Variants in AGPAT5 observed in about 807,000 individuals in gnomAD.
The protein encoded by AGPAT5 is 1-acylglycerol-3-phosphate O-acyltransferase 5.
A neutral mutation model predicts 45.6 loss-of-function variants in AGPAT5; 46 were observed. The ratio of observed to expected loss-of-function variants is 1.01; its 90% CI spans 0.80 to 1.29. AGPAT5 has a LOEUF of 1.29. Ranked by LOEUF, AGPAT5 falls within the 50% of genes most tolerant of loss-of-function variation. The probability of loss-of-function intolerance (pLI) is 0.00; values close to 1 mark genes in which losing one functional copy is unlikely to be tolerated. For synonymous variants in AGPAT5, 272 were observed against 167.0 expected (o/e 1.63, Z -4.85); for missense variants, 673 against 450.7 (o/e 1.49, Z -4.47).
chr8:6,747,216 A>T (rs1162448163), intron 5 of AGPAT5, among the ~76,000 whole-genome samples: 1 of 152,254 alleles, frequency 6.6e-6, no homozygotes. Context: ...TGAAGCACTG[A>T]GTCCTGCAGC....
At chr8:6,754,552 C>T (rs1352247580) in intron 6 of AGPAT5, among the ~76,000 whole-genome samples, 1 of 152,110 alleles carries the variant, frequency 6.6e-6, no homozygotes, top group Non-Finnish European at 1.5e-5. Context: ...CAGCTGTGTG[C>T]CAGGTCAGGA....
At chr8:6,720,196 G>A (rs1800455739) in intron 1 of AGPAT5, among the ~76,000 whole-genome samples, 1 of 152,144 alleles carries the variant, frequency 6.6e-6, no homozygotes, top group African/African-American at 2.4e-5. Flanking sequence ...GTGGGAGTCA[G>A]TGATCCAGCT....
At chr8:6,742,886 T>C (rs896760371) in intron 5 of AGPAT5, among the ~76,000 whole-genome samples, 1 of 152,236 alleles carries the variant, frequency 6.6e-6, no homozygotes, top group African/African-American at 2.4e-5. Flanking sequence ...TTGACTTTCA[T>C]TGCTTCCTCT....
rs1444290489 is a variant in AGPAT5, at chr8:6,724,926, T to C, written c.276T>C (p.Asn92=). The part of the protein sequence containing the change: ...KNKENIIYLA[N]HQSTVDWIVA... ...AAGAAAATATAATATATTTAGCAAATCATCAAAGCACAGGTTTGTATTTCA... is the reference window on the plus strand; with the variant it reads ...AAGAAAATATAATATATTTAGCAAACCATCAAAGCACAGGTTTGTATTTCA... The change falls in exon 2 of 8, where the codon AAT becomes AAC. Residue 92 remains asparagine, a synonymous_variant. Transcript: ENST00000285518. 3 of 1,166,928 alleles carry C rather than the reference T, an allele frequency of 2.6e-6. No individual in the cohort carries two copies. Among genetic ancestry groups the C allele is most frequent in the Non-Finnish European group, 3.4e-6 (3 of 884,270 alleles). 72.3% of individuals were successfully genotyped at this position (1,166,928 alleles called of 1,614,324 possible).
At position 6,726,072 on chromosome 8, in the gene AGPAT5, C is replaced by G. The variant is rs191638393; in HGVS notation, c.289+1133C>G. ...ATCTTGATGTATCTGAGTATTTTCC[C>G]CAACTTTATTACATGACTGGTTCAG... On this transcript the variant is annotated intron_variant, in intron 2 of 7. Transcript: ENST00000285518. Among the ~76,000 whole-genome samples the G allele has an allele frequency of 4.5e-3, 682 of 152,298 alleles. 7 individuals are homozygous for G. The highest frequency in any genetic ancestry group is 5.0e-3 in the Non-Finnish European group (340 of 68,024).
chr8:6,757,753 C>A lies in AGPAT5; in HGVS notation c.*365C>A. Reference sequence around the variant, plus strand: ...CGTATTTCACTTTTTCTGTTATTTTCAATTTATTACAACTTGACAGCTCCA... The same window carrying A: ...CGTATTTCACTTTTTCTGTTATTTTAAATTTATTACAACTTGACAGCTCCA... On this transcript the variant is annotated 3_prime_UTR_variant, in exon 8 of 8. Transcript: ENST00000285518. 1 of 168,364 alleles carries A rather than the reference C, an allele frequency of 5.9e-6. No individual in the cohort carries two copies. The highest frequency in any genetic ancestry group is 1.3e-5 in the Non-Finnish European group (1 of 78,148). The allele number at this position is 168,364 out of a possible 1,614,324, so 10.4% of individuals were successfully genotyped here.
chr8:6,740,654 A>G (rs1801218560), intron 4 of AGPAT5, among the ~76,000 whole-genome samples: 1 of 152,038 alleles, frequency 6.6e-6, no homozygotes, highest in Non-Finnish European at 1.5e-5. Flanking sequence ...TTTAGATACC[A>G]TTATACCAGT....
chr8:6,738,214 A>G (rs1028874705), intron 4 of AGPAT5, among the ~76,000 whole-genome samples: 5 of 152,120 alleles, frequency 3.3e-5, no homozygotes, highest in Non-Finnish European at 7.4e-5. Context: ...ATTTCTAGCT[A>G]TTGATGTAAA....
chr8:6,730,073 G>A (rs1483304465), intron 2 of AGPAT5, among the ~76,000 whole-genome samples: 3 of 151,680 alleles, frequency 2.0e-5, no homozygotes, highest in Non-Finnish European at 2.9e-5. Context: ...GCCATTTTTT[G>A]TTTATAATTT....
At position 6,741,655 on chromosome 8, in the gene AGPAT5, C is replaced by T. The variant is rs766450889; in HGVS notation, c.496-6C>T. The T allele has an allele frequency of 1.9e-6, 3 of 1,588,778 alleles. No individual in the cohort carries two copies. The highest frequency in any genetic ancestry group is 4.5e-5 in the East Asian group (2 of 44,006). ...AAATAAACCAAATTTGCTCTATGTC[C>T]CACAGATGTATCTTGTGATTTTTCC... is the stretch of plus-strand genomic sequence containing the variant. On this transcript the variant is annotated splice_region_variant and splice_polypyrimidine_tract_variant and intron_variant, in intron 4 of 7. Coordinates refer to ENST00000285518, the MANE Select transcript of AGPAT5 (RefSeq NM_018361.5).
rs747834168 is a variant in AGPAT5, at chr8:6,730,846, TTC to T, written c.405+26_405+27del. 1 of 1,558,250 alleles carries T rather than the reference TTC, an allele frequency of 6.4e-7. No individual in the cohort carries two copies. The highest frequency in any genetic ancestry group is 1.4e-5 in the African/African-American group (1 of 73,496). On this transcript the variant is annotated intron_variant, in intron 3 of 7. Coordinates refer to ENST00000285518, the MANE Select transcript of AGPAT5 (RefSeq NM_018361.5). ...GCTCAGGTAACTTGTTTCCATGCTTTTCTCTCTATATATGTAGTTTATAAATT... is the reference window on the plus strand; with the variant it reads ...GCTCAGGTAACTTGTTTCCATGCTTTTCTCTATATATGTAGTTTATAAATT...
Position 6,750,141 on chromosome 8 carries a change from A to C in AGPAT5, c.745+2313A>C, listed in dbSNP as rs375183860. Among the ~76,000 whole-genome samples, 9 of 152,304 alleles carry C rather than the reference A, an allele frequency of 5.9e-5. No individual in the cohort carries two copies. In the East Asian group the frequency reaches 1.5e-3, roughly 26 times the overall value. On this transcript the variant is annotated intron_variant, in intron 6 of 7. Transcript: ENST00000285518. ...TGACAGGCGGCACCTTTCCCAGCAT[A>C]GCACTGTGCCTTCTCCTGCCCCTGC...
intron 1 of AGPAT5, among the ~76,000 whole-genome samples, chr8:6,716,548 A>T (rs1163941927): frequency 6.6e-6 from 1 of 151,998 alleles, no homozygotes; most frequent in East Asian, 1.9e-4. Flanking sequence ...AAAAAAAGGT[A>T]AAAGGGCCAG....
In AGPAT5 at chr8:6,731,615, A is replaced by G. The variant is rs528511929; in HGVS notation, c.405+789A>G. Among the ~76,000 whole-genome samples, 5 of 152,252 alleles carry G rather than the reference A, an allele frequency of 3.3e-5. No homozygotes were observed. In the East Asian group the frequency reaches 5.8e-4, roughly 18 times the overall value. ...GTGGAACTCATGGATGTGAAGGGCC[A>G]GCTGCAGTAAAATGAAAGAGCAAAA... On this transcript the variant is annotated intron_variant, in intron 3 of 7. Transcript: ENST00000285518.
rs758029206 is a variant in AGPAT5, at chr8:6,708,730, T to C, written c.62T>C (p.Leu21Pro). Residue 21 changes from leucine to proline, a missense_variant, in exon 1 of 8, where the codon CTC becomes CCC. Coordinates refer to ENST00000285518, the MANE Select transcript of AGPAT5 (RefSeq NM_018361.5). ...CGCTACCTGCTGCCCAGCGTCGTGC[T>C]CCTGGGCACGGCGCCCACCTACGTG... ...SMRYLLPSVV[L>P]LGTAPTYVLA... 2 of 1,607,294 alleles carry C rather than the reference T, an allele frequency of 1.2e-6. No homozygotes were observed. The highest frequency in any genetic ancestry group is 2.2e-5 in the South Asian group (2 of 90,954).
At chr8:6,732,723 AG>A in intron 4 of AGPAT5, 73 bp downstream of exon 4, 1 of 1,282,590 alleles carries the variant, frequency 7.8e-7, no homozygotes, top group Non-Finnish European at 1.1e-6. Context: ...TTAAAATCTA[AG>A]AATTGTTTTG....
intron 6 of AGPAT5, among the ~76,000 whole-genome samples, chr8:6,753,438 T>C (rs1356551331): frequency 6.6e-6 from 1 of 152,218 alleles, no homozygotes; most frequent in Non-Finnish European, 1.5e-5. Flanking sequence ...TCTGTCTTTT[T>C]ATGTGTCAGA....
At chr8:6,739,361 A>T (rs1801160142) in intron 4 of AGPAT5, among the ~76,000 whole-genome samples, 2 of 152,164 alleles carry the variant, frequency 1.3e-5, no homozygotes, top group Non-Finnish European at 2.9e-5. Context: ...TGTATTGAAG[A>T]TATAGATGAA....
chr8:6,712,211 T>C (rs1028851013), intron 1 of AGPAT5, among the ~76,000 whole-genome samples: 6 of 152,358 alleles, frequency 3.9e-5, no homozygotes, highest in African/African-American at 1.4e-4. Context: ...CATAATCTTT[T>C]AGTTTCTTAT....
Sources: gnomAD v4.1 joint callset for allele counts (sites outside exome capture counted in the v4.1 genomes callset) on GRCh38, gnomAD v4.1.1 for gene constraint, MANE v1.5 for transcripts, NCBI Gene and HGNC (gene_info 2026-07-23, HGNC 2026-07-21) for gene names.